Variants in NRDE2 observed in about 807,000 individuals in gnomAD.
The protein encoded by NRDE2 is nuclear exosome regulator NRDE2.
In NRDE2, 76 loss-of-function variants were observed where a neutral mutation model predicts 124.2. That is an observed-to-expected ratio of 0.61 (90% CI 0.51 to 0.74). The LOEUF (loss-of-function observed/expected upper bound fraction) is 0.74. Among genes scored for constraint, NRDE2 ranks in the 30% least tolerant of loss-of-function variants. The pLI is 0.00. For missense variants in NRDE2, 1,314 were observed against 1,417.3 expected (o/e 0.93, Z 1.17); for synonymous variants, 489 against 528.1 (o/e 0.93, Z 1.01).
chr14:90,310,490 C>T (rs1884790955), intron 4 of NRDE2, among the ~76,000 whole-genome samples: 1 of 151,266 alleles, frequency 6.6e-6, no homozygotes, highest in Admixed American at 6.6e-5. Flanking sequence ...ACAGCCACTA[C>T]CTCATGTCCA....
At chr14:90,321,305 G>A (rs990805432) in intron 1 of NRDE2, among the ~76,000 whole-genome samples, 7 of 151,926 alleles carry the variant, frequency 4.6e-5, no homozygotes, top group South Asian at 2.1e-4. Context: ...ACACTCAAGC[G>A]ATCCTCCTGC....
intron 11 of NRDE2, among the ~76,000 whole-genome samples, chr14:90,286,842 T>G (rs1032550623): frequency 6.6e-6 from 1 of 150,812 alleles, no homozygotes; most frequent in African/African-American, 2.4e-5. Flanking sequence ...AGGTCAGGAG[T>G]TGGAGACCAG....
At position 90,316,520 on chromosome 14, in the gene NRDE2, T is replaced by A; in HGVS notation, c.407+58A>T. 9 of 1,241,188 alleles carry A rather than the reference T, an allele frequency of 7.3e-6. No individual in the cohort carries two copies. The South Asian group carries it at 1.0e-4, about 14-fold the overall frequency. The allele number at this position is 1,241,188 out of a possible 1,614,324, so 76.9% of individuals were successfully genotyped here. A position where few individuals can be genotyped will look rare whatever the true frequency, so the allele number is the denominator to read the frequency against. ...TCAAATATCTAATTTGCGGCAACAA[T>A]TAAGGGAGAAAAACTCAAGACTTAA... On this transcript the variant is annotated intron_variant, in intron 3 of 13. Transcript: ENST00000354366.
At position 90,288,572 on chromosome 14, in the gene NRDE2, T is replaced by A; in HGVS notation, c.2803A>T (p.Asn935Tyr). ...GAGCCTTCTGGGAAAACAGAACTGT[T>A]CAGTTTTGCAAACACCTGTTCGTAT... is the stretch of plus-strand genomic sequence containing the variant. ...QIYEQVFAKL[N>Y]SSVFPEGSGE... is the part of the protein sequence containing the mutation. Residue 935 changes from asparagine (N) to tyrosine (Y), a missense_variant, in exon 11 of 14, where the codon AAC becomes TAC. By Grantham distance (143) the Asn-to-Tyr change is moderately radical. Coordinates refer to ENST00000354366, the MANE Select transcript of NRDE2 (RefSeq NM_017970.4). The A allele has an allele frequency of 6.2e-7, 1 of 1,614,160 alleles. No individual in the cohort carries two copies.
intron 1 of NRDE2, among the ~76,000 whole-genome samples, chr14:90,322,276 T>C (rs1885272272): frequency 6.6e-6 from 1 of 151,872 alleles, no homozygotes. Flanking sequence ...AAAGAAAAAA[T>C]AAACACCAAC....
chr14:90,276,217 G>GTTTT lies in NRDE2; in HGVS notation c.*2115_*2118dup, dbSNP rs371098585. On this transcript the variant is annotated 3_prime_UTR_variant, in exon 14 of 14. Coordinates refer to ENST00000354366, the MANE Select transcript of NRDE2 (RefSeq NM_017970.4). Reference sequence around the variant, plus strand: ...TCATGTCAGCAATCTCAAACGGGCTGTTTTTTTTTTTTTTTTTTCGAGACG... The same window carrying GTTTT: ...TCATGTCAGCAATCTCAAACGGGCTGTTTTTTTTTTTTTTTTTTTTTTCGAGACG... The GTTTT allele has an allele frequency of 7.2e-4, 85 of 118,614 alleles. 7 individuals carry two copies. Among genetic ancestry groups the GTTTT allele is most frequent in the African/African-American group, 1.1e-3 (34 of 29,938 alleles). The allele number at this position is 118,614 out of a possible 1,614,324, so 7.3% of individuals were successfully genotyped here.
rs1423436794 is a variant in NRDE2, at chr14:90,276,995, G to C, written c.*1341C>G. ...GTTCAAGCCAGTTAGCTCTCAGGGA[G>C]GGGGAGCAAGTCCACCTCGGAGTGG... is the stretch of plus-strand genomic sequence containing the variant. On this transcript the variant is annotated 3_prime_UTR_variant, in exon 14 of 14. Transcript: ENST00000354366. 1.3e-5 allele frequency: 2 copies of C among 152,350 alleles called. No individual in the cohort carries two copies. The highest frequency in any genetic ancestry group is 3.9e-4 in the East Asian group (2 of 5,172). The allele number at this position is 152,350 out of a possible 1,614,324, so 9.4% of individuals were successfully genotyped here.
At chr14:90,315,930 G>A (rs1427255269) in intron 3 of NRDE2, among the ~76,000 whole-genome samples, 9 of 141,958 alleles carry the variant, frequency 6.3e-5, no homozygotes, top group East Asian at 2.1e-4. Flanking sequence ...GCACTCCAGC[G>A]TGGGCAACTG....
chr14:90,331,003 T>A (rs1885675333), intron 1 of NRDE2, among the ~76,000 whole-genome samples: 1 of 151,762 alleles, frequency 6.6e-6, no homozygotes, highest in South Asian at 2.1e-4. Context: ...CATGGCTCAC[T>A]GCGGCCTCAA....
At chr14:90,309,058 C>T (rs866632398) in intron 4 of NRDE2, among the ~76,000 whole-genome samples, 8 of 152,006 alleles carry the variant, frequency 5.3e-5, no homozygotes, top group East Asian at 1.9e-4. Flanking sequence ...CTGGCTAAAA[C>T]GGTGAAACTC....
chr14:90,271,576 A>C lies in NRDE2; in HGVS notation c.*6760T>G, dbSNP rs1195112228. 2.0e-5 allele frequency: 3 copies of C among 152,224 alleles called. No individual in the cohort carries two copies. The highest frequency in any genetic ancestry group is 7.2e-5 in the African/African-American group (3 of 41,456). The allele number at this position is 152,224 out of a possible 1,614,324, so 9.4% of individuals were successfully genotyped here. On this transcript the variant is annotated 3_prime_UTR_variant, in exon 14 of 14. Coordinates refer to ENST00000354366, the MANE Select transcript of NRDE2 (RefSeq NM_017970.4). ...CCAGAATACATGTTCTTTTATGACT[A>C]TAAGTAAATGAAATAGACATATACT...
At position 90,290,431 on chromosome 14, in the gene NRDE2, A is replaced by G; in HGVS notation, c.2019T>C (p.Asp673=). 2 of 1,614,128 alleles carry G rather than the reference A, an allele frequency of 1.2e-6. No individual in the cohort carries two copies. Among genetic ancestry groups the G allele is most frequent in the Non-Finnish European group, 1.7e-6 (2 of 1,180,032 alleles). The stretch of plus-strand genomic sequence containing the variant: ...GGTTGAAAAAAGTCAAGGGCTTTTC[A>G]TCATAAAGTCCATTATCAAAGATGC... ...ENSIFDNGLY[D]EKPLTFFNPL... The change falls in exon 10 of 14, where the codon GAT becomes GAC. Residue 673 remains aspartate, a synonymous_variant. Coordinates refer to ENST00000354366, the MANE Select transcript of NRDE2 (RefSeq NM_017970.4).
At chr14:90,292,593 A>G in intron 9 of NRDE2, 104 bp downstream of exon 9, 3 of 1,288,532 alleles carry the variant, frequency 2.3e-6, no homozygotes, top group Non-Finnish European at 3.2e-6. Context: ...GCCAACTGCT[A>G]AGAGAGCTCC....
Position 90,318,847 on chromosome 14 carries a change from C to T in NRDE2, c.65-734G>A, listed in dbSNP as rs145603718. Among the ~76,000 whole-genome samples, 735 of 152,182 alleles carry T rather than the reference C, an allele frequency of 4.8e-3. 4 individuals are homozygous for T. The highest frequency in any genetic ancestry group is 0.014 in the African/African-American group (591 of 41,516). On this transcript the variant is annotated intron_variant, in intron 1 of 13. Transcript: ENST00000354366. ...GCAAATCAAATCATGCATAAAAGCCCACCATGCTTAATATTATTACAGAAG... is the reference window on the plus strand; with the variant it reads ...GCAAATCAAATCATGCATAAAAGCCTACCATGCTTAATATTATTACAGAAG...
rs201684478 is a variant in NRDE2 at position 90,301,279 on chromosome 14, A to G, written c.1505T>C (p.Phe502Ser). 149 of 1,613,628 alleles carry G rather than the reference A, an allele frequency of 9.2e-5. No homozygotes were observed. The highest frequency in any genetic ancestry group is 1.6e-4 in the Middle Eastern group (1 of 6,080). ...LFQAMVDFTF[F>S]KPDSVKDLPT... ...CAGATCTTTCACGCTGTCGGGTTTG[A>G]AGAAGGTGAAGTCCACCATGGCCTG... Residue 502 changes from phenylalanine to serine, a missense_variant, in exon 7 of 14, where the codon TTC becomes TCC. By Grantham distance (155) the Phe-to-Ser change is radical (BLOSUM62 -2). Coordinates refer to ENST00000354366, the MANE Select transcript of NRDE2 (RefSeq NM_017970.4).
chr14:90,295,033 T>C (rs963221667), intron 8 of NRDE2, among the ~76,000 whole-genome samples: 10 of 152,094 alleles, frequency 6.6e-5, no homozygotes, highest in African/African-American at 2.4e-4. Context: ...GTGGTAGTGA[T>C]TACACAAAGC....
At chr14:90,286,593 A>G (rs1892110564) in intron 11 of NRDE2, 101 bp from the exon 12 acceptor site, 1 of 1,425,230 alleles carries the variant, frequency 7.0e-7, no homozygotes, top group Non-Finnish European at 9.5e-7. Flanking sequence ...CAACAACCAG[A>G]TCAGACAGAC....
chr14:90,282,607 C>T (rs750360531), intron 12 of NRDE2, among the ~76,000 whole-genome samples: 10 of 152,090 alleles, frequency 6.6e-5, no homozygotes, highest in Non-Finnish European at 1.5e-4. Context: ...ATTTTAATTG[C>T]TGTTTGTCCA....
rs974522053 is a variant in NRDE2, at chr14:90,317,849, C to T, written c.173+156G>A. 2.2e-5 allele frequency: 12 copies of T among 544,724 alleles called. 1 individual carries two copies. Among genetic ancestry groups the T allele is most frequent in the African/African-American group, 1.9e-4 (10 of 51,382 alleles). The allele number at this position is 544,724 out of a possible 1,614,324, so 33.7% of individuals were successfully genotyped here. A position where few individuals can be genotyped will look rare whatever the true frequency, so the allele number is the denominator to read the frequency against. The stretch of plus-strand genomic sequence containing the variant: ...CAAAGCAAAGAAAAAAAAAAGAATA[C>T]AAGAGGTAAGGGAAAATAGTCAAAG... On this transcript the variant is annotated intron_variant, in intron 2 of 13. Transcript: ENST00000354366.
Sources: gnomAD v4.1 joint callset for allele counts (sites outside exome capture counted in the v4.1 genomes callset) on GRCh38, gnomAD v4.1.1 for gene constraint, MANE v1.5 for transcripts, NCBI Gene and HGNC (gene_info 2026-07-23, HGNC 2026-07-21) for gene names.